Variants in TCTN2 observed in about 807,000 individuals in gnomAD.
The protein encoded by TCTN2 is tectonic-2.
In TCTN2, 66 loss-of-function variants were observed where a neutral mutation model predicts 83.4. That is an observed-to-expected ratio of 0.79 (90% confidence interval 0.65 to 0.97). TCTN2 has a LOEUF of 0.97. TCTN2 is among the 50% of genes least tolerant of loss of function. The probability of loss-of-function intolerance (pLI) is 0.00; values close to 1 mark genes in which losing one functional copy is unlikely to be tolerated. For synonymous variants in TCTN2, 301 were observed against 326.7 expected (o/e 0.92, Z 0.85); for missense variants, 794 against 858.1 (o/e 0.93, Z 0.93).
At chr12:123,676,733 C>G (rs1374891652) in intron 4 of TCTN2, among the ~76,000 whole-genome samples, 1 of 151,976 alleles carries the variant, frequency 6.6e-6, no homozygotes, top group African/African-American at 2.4e-5. Context: ...CTCAGCCAGC[C>G]AGCGATTAAA....
chr12:123,699,766 A>T lies in TCTN2; in HGVS notation c.1568A>T (p.Asn523Ile), dbSNP rs770199157. Residue 523 changes from asparagine (N) to isoleucine (I), a missense_variant, in exon 14 of 18, where the codon AAC (asparagine) becomes ATC (isoleucine). By Grantham distance (149) the Asn-to-Ile change is moderately radical. Transcript: ENST00000303372. ...GCGACTCACGTTGCAATGAGAGGCA[A>T]CTCCGATTACGCTGATCTTAGTGAT... Reference protein sequence around the residue: ...IQATHVAMRGNSDYADLSDGW... With the variant: ...IQATHVAMRGISDYADLSDGW... 6.2e-7 allele frequency: 1 copy of T among 1,614,128 alleles called. No individual in the cohort carries two copies. The highest frequency in any genetic ancestry group is 2.2e-5 in the East Asian group (1 of 44,882).
chr12:123,693,454 AT>A lies in TCTN2; in HGVS notation c.1099+747del, dbSNP rs59347706. Among the ~76,000 whole-genome samples the A allele has an allele frequency of 6.6e-3, 525 of 79,026 alleles. 1 individual carries two copies. Among genetic ancestry groups the A allele is most frequent in the African/African-American group, 0.019 (385 of 20,626 alleles). The allele number at this position is 79,026 out of a possible 152,430, so 51.8% of individuals were successfully genotyped here. On this transcript the variant is annotated intron_variant, in intron 9 of 17. Transcript: ENST00000303372. ...AAATAAGTTACGTAGAGTTTGGCAG[AT>A]TTTTTTTTTTTTTTTGAGATGGATT...
intron 9 of TCTN2, 53 bp from the exon 10 acceptor site, chr12:123,694,787 CAG>C (rs1956087136): frequency 5.7e-6 from 9 of 1,592,364 alleles, no homozygotes; most frequent in Non-Finnish European, 7.7e-6. Context: ...CTCCCAGTAA[CAG>C]AGTCAGGCTC....
intron 7 of TCTN2, among the ~76,000 whole-genome samples, chr12:123,689,348 G>A (rs149742134): frequency 2.6e-5 from 4 of 152,094 alleles, no homozygotes; most frequent in Admixed American, 6.6e-5. Context: ...GAGCCACCGC[G>A]CCCAGCCAAA....
At chr12:123,698,043 GT>G (rs775285631) in intron 13 of TCTN2, among the ~76,000 whole-genome samples, 2 of 151,154 alleles carry the variant, frequency 1.3e-5, no homozygotes, top group Non-Finnish European at 3.0e-5. Context: ...TTCTGTTTTT[GT>G]TTTTGTTTTT....
At chr12:123,673,524 C>A in intron 3 of TCTN2, 91 bp from the exon 4 acceptor site, 1 of 1,252,174 alleles carries the variant, frequency 8.0e-7, no homozygotes, top group Non-Finnish European at 1.2e-6. Context: ...TGAACGGAGG[C>A]TGATGTGTAC....
Position 123,671,988 on chromosome 12 carries a change from G to C in TCTN2, c.191-68G>C, listed in dbSNP as rs536700167. On this transcript the variant is annotated intron_variant, in intron 2 of 17. Transcript: ENST00000303372. ...CTGTAATGTGAGTCCATCCTAGGCA[G>C]TCTGACTCAATGCACCCCCTGAGCT... is the stretch of plus-strand genomic sequence containing the variant. 4 of 1,331,052 alleles carry C rather than the reference G, an allele frequency of 3.0e-6. No homozygotes were observed. In the African/African-American group the frequency reaches 5.8e-5, roughly 19 times the overall value. The allele number at this position is 1,331,052 out of a possible 1,614,324, so 82.5% of individuals were successfully genotyped here.
In TCTN2 at chr12:123,686,959, G is replaced by A. The variant is rs987899301; in HGVS notation, c.688G>A (p.Asp230Asn). Residue 230 changes from aspartate (D) to asparagine (N), a missense_variant, in exon 6 of 18, where the codon GAT becomes AAT. Physicochemically the swap from Asp to Asn is conservative, Grantham distance 23. Coordinates refer to ENST00000303372, the MANE Select transcript of TCTN2 (RefSeq NM_024809.5). The part of the protein sequence containing the change: ...SAGTTTRGVP[D>N]WFPFLCVQSP... ...TGGGACGACGACACGTGGTGTCCCC[G>A]ATTGGTTTCCCTTTCTGTGTGTGCA... The A allele has an allele frequency of 1.5e-5, 24 of 1,614,032 alleles. No individual in the cohort carries two copies. Among genetic ancestry groups the A allele is most frequent in the Non-Finnish European group, 1.9e-5 (22 of 1,180,052 alleles).
intron 4 of TCTN2, 59 bp from the exon 5 acceptor site, chr12:123,679,130 T>A: frequency 6.9e-7 from 1 of 1,450,852 alleles, no homozygotes; most frequent in African/African-American, 1.4e-5. Flanking sequence ...GTCAAAAATG[T>A]GACTGTGCTT....
chr12:123,699,155 ATT>A (rs11438271), intron 13 of TCTN2, among the ~76,000 whole-genome samples: 8 of 141,772 alleles, frequency 5.6e-5, no homozygotes, highest in Admixed American at 1.4e-4. Context: ...AGTTACTAAC[ATT>A]TTTTTTTTTT....
chr12:123,672,379 T>C (rs1955765426), intron 3 of TCTN2, among the ~76,000 whole-genome samples: 1 of 152,152 alleles, frequency 6.6e-6, no homozygotes, highest in African/African-American at 2.4e-5. Context: ...TCTGTGTGTA[T>C]GTGCATTTTT....
chr12:123,680,512 T>C (rs7960017), intron 5 of TCTN2, among the ~76,000 whole-genome samples: 52,353 of 147,536 alleles, frequency 0.35, 9,879 homozygotes, highest in African/African-American at 0.41. Context: ...TTTCTTTCTT[T>C]TTTCTTTCTT....
intron 9 of TCTN2, 46 bp from the exon 10 acceptor site, chr12:123,694,796 G>T (rs772497397): frequency 1.4e-5 from 23 of 1,597,614 alleles, no homozygotes; most frequent in Non-Finnish European, 1.9e-5. Context: ...ACAGAGTCAG[G>T]CTCAAAGAGG....
At chr12:123,672,252 T>C in intron 3 of TCTN2, 120 bp downstream of exon 3, 2 of 951,822 alleles carry the variant, frequency 2.1e-6, no homozygotes, top group East Asian at 5.0e-5. Context: ...ATCATGAAAT[T>C]GTGGGCTGTT....
rs1335497056 is a variant in TCTN2 at position 123,706,989 on chromosome 12, C to G, written c.1900C>G (p.Gln634Glu). 6.2e-7 allele frequency: 1 copy of G among 1,613,970 alleles called. No individual in the cohort carries two copies. Among genetic ancestry groups the G allele is most frequent in the African/African-American group, 1.3e-5 (1 of 75,004 alleles). The change falls in exon 17 of 18, where the codon CAG becomes GAG. Residue 634 changes from glutamine to glutamate, a missense_variant. By Grantham distance (29) the Gln-to-Glu change is conservative (BLOSUM62 2). Transcript: ENST00000303372. ...ACCCTCTAAAATGTTTTCTAGATTC[C>G]AGATCAATTATACAGAGTATGACTG... ...AQLPHPLTRFQINYTEYDCNR... is the reference protein window; with the variant it reads ...AQLPHPLTRFEINYTEYDCNR...
chr12:123,696,829 A>T, intron 12 of TCTN2: 2 of 538,968 alleles, frequency 3.7e-6, no homozygotes, highest in Non-Finnish European at 6.7e-6. Flanking sequence ...AACTGCAGGA[A>T]ATCTGTGCTT....
chr12:123,703,173 T>A (rs116046657), intron 14 of TCTN2, among the ~76,000 whole-genome samples: 1,567 of 151,284 alleles, frequency 0.01, 30 homozygotes, highest in African/African-American at 0.034. Context: ...TATTATTATT[T>A]TTTTTTCAAT....
intron 13 of TCTN2, among the ~76,000 whole-genome samples, chr12:123,698,750 G>GT (rs1466823952): frequency 6.6e-6 from 1 of 152,100 alleles, no homozygotes; most frequent in Non-Finnish European, 1.5e-5. Flanking sequence ...TCTTACACAC[G>GT]TTTTATCTGT....
At chr12:123,701,753 A>T (rs1251932310) in intron 14 of TCTN2, among the ~76,000 whole-genome samples, 1 of 152,030 alleles carries the variant, frequency 6.6e-6, no homozygotes, top group African/African-American at 2.4e-5. Context: ...ACAAAAAAAA[A>T]AAAAGGGTGC....
Sources: gnomAD v4.1 joint callset for allele counts (sites outside exome capture counted in the v4.1 genomes callset) on GRCh38, gnomAD v4.1.1 for gene constraint, MANE v1.5 for transcripts, NCBI Gene and HGNC (gene_info 2026-07-23, HGNC 2026-07-21) for gene names.